The following DNAH11 variants were observed in gnomAD, a reference collection of about 807,000 sequenced individuals.
The protein encoded by DNAH11 is axonemal beta dynein heavy chain 11.
DNAH11 carries 442 observed loss-of-function variants against 526.0 expected under a neutral mutation model. The ratio of observed to expected loss-of-function variants is 0.84; its 90% CI spans 0.78 to 0.91. The LOEUF is 0.91. DNAH11 is among the 40% of genes least tolerant of loss of function. The pLI is 0.00. For synonymous variants in DNAH11, 2,461 were observed against 1,935.9 expected, an observed-to-expected ratio of 1.27 and a Z score of -7.12; for missense variants, 6,989 against 5,448.7, an observed-to-expected ratio of 1.28 and a Z score of -8.90.
At chr7:21,601,346 GT>G (rs1785076522) in intron 17 of DNAH11, 49 bp from the exon 18 acceptor site, 2 of 1,543,540 alleles carry the variant, frequency 1.3e-6, no homozygotes, top group African/African-American at 1.4e-5. Flanking sequence ...ACTGCTAAAT[GT>G]TTTAATAAAC....
intron 31 of DNAH11, among the ~76,000 whole-genome samples, chr7:21,683,538 A>G (rs1382524592): frequency 6.6e-6 from 1 of 152,246 alleles, no homozygotes; most frequent in Non-Finnish European, 1.5e-5. Context: ...TAAAAGAGGA[A>G]AAAGCATTGC....
chr7:21,559,703 C>G lies in DNAH11; in HGVS notation c.793C>G (p.Arg265Gly). 6.2e-7 allele frequency: 1 copy of G among 1,610,560 alleles called. No homozygotes were observed. The highest frequency in any genetic ancestry group is 8.5e-7 in the Non-Finnish European group (1 of 1,178,270). ...AATTATAGAAAGAGATTCAGTGCAG[C>G]GTTTGTTGAATGGTCTTCACTTGTC... ...QEIIERDSVQ[R>G]LLNGLHLSPQ... The change falls in exon 4 of 82, where the codon CGT becomes GGT. Residue 265 changes from arginine (R) to glycine (G), a missense_variant. Coordinates refer to ENST00000409508, the MANE Select transcript of DNAH11 (RefSeq NM_001277115.2).
intron 63 of DNAH11, among the ~76,000 whole-genome samples, chr7:21,815,264 G>A (rs1354330577): frequency 6.6e-6 from 1 of 152,146 alleles, no homozygotes; most frequent in Non-Finnish European, 1.5e-5. Context: ...ACAAACTAAA[G>A]CACATACCTC....
intron 46 of DNAH11, among the ~76,000 whole-genome samples, chr7:21,736,072 C>T (rs895742670): frequency 6.6e-6 from 1 of 152,114 alleles, no homozygotes; most frequent in African/African-American, 2.4e-5. Context: ...TGCTTTAGAA[C>T]AGCAAGAATA....
At chr7:21,852,666 T>A (rs377679823) in intron 67 of DNAH11, 35 bp downstream of exon 67, 41 of 1,535,028 alleles carry the variant, frequency 2.7e-5, no homozygotes, top group Non-Finnish European at 3.4e-5. Context: ...CAGATTCTAA[T>A]GCTCTGTTCG....
At chr7:21,691,018 T>C in intron 35 of DNAH11, 137 bp downstream of exon 35, 2 of 638,312 alleles carry the variant, frequency 3.1e-6, no homozygotes. Flanking sequence ...GCTCCTTTTA[T>C]AGACAGAACT....
In DNAH11 at chr7:21,543,492, A is replaced by T. The variant is rs1429655726; in HGVS notation, c.247A>T (p.Ser83Cys). 7 of 1,605,376 alleles carry T rather than the reference A, an allele frequency of 4.4e-6. No individual in the cohort carries two copies. The highest frequency in any genetic ancestry group is 6.0e-6 in the Non-Finnish European group (7 of 1,175,872). The change falls in exon 1 of 82, where the codon AGC becomes TGC. Residue 83 changes from serine to cysteine, a missense_variant. Ser to Cys is a moderately radical substitution (Grantham distance 112, BLOSUM62 -1). Coordinates refer to ENST00000409508, the MANE Select transcript of DNAH11 (RefSeq NM_001277115.2). ...GGAGAAATGGAGCCAGTATTTGGAA[A>T]GCGAGGACAACCGGCAGGTTCTTGG... ...TEEKWSQYLE[S>C]EDNRQVLGEF... is the part of the protein sequence containing the mutation.
Position 21,619,190 on chromosome 7 carries a change from G to C in DNAH11, c.4345G>C (p.Asp1449His), listed in dbSNP as rs767717928. 1 of 1,613,266 alleles carries C rather than the reference G, an allele frequency of 6.2e-7. No individual in the cohort carries two copies. Among genetic ancestry groups the C allele is most frequent in the African/African-American group, 1.3e-5 (1 of 74,906 alleles). ...RVEDDVRRIV[D>H]KAVKELGTEK... Reference sequence around the variant, plus strand: ...GGAAGATGATGTCCGAAGGATTGTGGACAAGGCGGTGAAAGAGCTGGGGAC... The same window carrying C: ...GGAAGATGATGTCCGAAGGATTGTGCACAAGGCGGTGAAAGAGCTGGGGAC... The change falls in exon 24 of 82, where the codon GAC becomes CAC. Residue 1449 changes from aspartate to histidine, a missense_variant. Transcript: ENST00000409508.
rs1259559217 is a variant in DNAH11, at chr7:21,735,724, G to A, written c.7525G>A (p.Val2509Ile). Reference sequence around the variant, plus strand: ...TGAGAAAGGAAAACCTCTAATGCTAGTAGGAAATGCAGGAGTGGGAAAAAC... The same window carrying A: ...TGAGAAAGGAAAACCTCTAATGCTAATAGGAAATGCAGGAGTGGGAAAAAC... ...LLEKGKPLML[V>I]GNAGVGKTVF... The change falls in exon 46 of 82, where the codon GTA becomes ATA. Residue 2509 changes from valine (V) to isoleucine (I), a missense_variant. Coordinates refer to ENST00000409508, the MANE Select transcript of DNAH11 (RefSeq NM_001277115.2). 2 of 1,613,958 alleles carry A rather than the reference G, an allele frequency of 1.2e-6. No individual in the cohort carries two copies. Among genetic ancestry groups the A allele is most frequent in the Non-Finnish European group, 1.7e-6 (2 of 1,179,876 alleles).
At chr7:21,592,358 G>A (rs1195139416) in intron 14 of DNAH11, among the ~76,000 whole-genome samples, 1 of 152,184 alleles carries the variant, frequency 6.6e-6, no homozygotes, top group Non-Finnish European at 1.5e-5. Context: ...ATGGATATCA[G>A]GAGAAGAACA....
intron 35 of DNAH11, among the ~76,000 whole-genome samples, chr7:21,697,202 G>C (rs1191304437): frequency 6.6e-6 from 1 of 152,024 alleles, no homozygotes; most frequent in African/African-American, 2.4e-5. Context: ...TTCCTTCTTT[G>C]CACTTGACTT....
At chr7:21,656,356 C>G (rs1250559533) in intron 29 of DNAH11, among the ~76,000 whole-genome samples, 1 of 152,156 alleles carries the variant, frequency 6.6e-6, no homozygotes, top group Non-Finnish European at 1.5e-5. Context: ...TATAGTGAAG[C>G]AGCACCTTGC....
At chr7:21,710,068 T>A (rs1784404896) in intron 40 of DNAH11, among the ~76,000 whole-genome samples, 1 of 152,196 alleles carries the variant, frequency 6.6e-6, no homozygotes, top group Admixed American at 6.5e-5. Context: ...AGTATCCCAG[T>A]GAACACATTT....
chr7:21,891,027 A>G (rs953856197), intron 76 of DNAH11, among the ~76,000 whole-genome samples: 4 of 152,180 alleles, frequency 2.6e-5, no homozygotes, highest in African/African-American at 9.7e-5. Context: ...AGTAACCTGG[A>G]TTGCAGGTTT....
rs552242479 is a variant in DNAH11, at chr7:21,683,235, AAG to A, written c.5461-545_5461-544del. Reference sequence around the variant, plus strand: ...AATCCAAGGGTCACATTTATCTTGAAAGAGACAGGGATTTTTAACTGGAAGAT... The same window carrying A: ...AATCCAAGGGTCACATTTATCTTGAAAGACAGGGATTTTTAACTGGAAGAT... On this transcript the variant is annotated intron_variant, in intron 31 of 81. Transcript: ENST00000409508. Among the ~76,000 whole-genome samples the A allele has an allele frequency of 4.9e-4, 75 of 152,300 alleles. No homozygotes were observed. The South Asian group carries it at 5.6e-3, about 11-fold the overall frequency.
chr7:21,832,775 C>G (rs562515944), intron 65 of DNAH11, among the ~76,000 whole-genome samples: 163 of 152,262 alleles, frequency 1.1e-3, no homozygotes, highest in Admixed American at 1.7e-3. Context: ...GCCTGGGAAC[C>G]AAGAATGGCT....
At chr7:21,734,750 T>G (rs569201833) in intron 45 of DNAH11, among the ~76,000 whole-genome samples, 7 of 151,584 alleles carry the variant, frequency 4.6e-5, no homozygotes, top group Admixed American at 1.3e-4. Flanking sequence ...CTCAGCTACT[T>G]GGGAGGCTGA....
intron 6 of DNAH11, among the ~76,000 whole-genome samples, chr7:21,566,706 A>G (rs560444595): frequency 1.3e-5 from 2 of 152,266 alleles, no homozygotes; most frequent in Admixed American, 6.5e-5. Flanking sequence ...ATATTTTAAA[A>G]TAAGTTTTTT....
At chr7:21,866,370 A>C in intron 70 of DNAH11, 100 bp from the exon 71 acceptor site, 1 of 1,165,090 alleles carries the variant, frequency 8.6e-7, no homozygotes, top group Non-Finnish European at 1.2e-6. Context: ...ACTATCCAGC[A>C]CAGTTTTTTT....
Sources: gnomAD v4.1 joint callset for allele counts (sites outside exome capture counted in the v4.1 genomes callset) on GRCh38, gnomAD v4.1.1 for gene constraint, MANE v1.5 for transcripts, NCBI Gene and HGNC (gene_info 2026-07-23, HGNC 2026-07-21) for gene names.